The following SUSD1 variants were observed in gnomAD, a reference collection of about 807,000 sequenced individuals.
SUSD1 encodes sushi domain containing 1.
A neutral mutation model predicts 86.9 loss-of-function variants in SUSD1; 65 were observed. The ratio of observed to expected loss-of-function variants is 0.75; its 90% confidence interval spans 0.61 to 0.92. SUSD1 has a LOEUF of 0.92. Ranked by LOEUF, SUSD1 falls within the 40% of genes least tolerant of loss-of-function variation. The probability of loss-of-function intolerance (pLI) is 0.00; values close to 1 mark genes in which losing one functional copy is unlikely to be tolerated. For synonymous variants in SUSD1, 346 were observed against 350.0 expected, an observed-to-expected ratio of 0.99 and a Z score of 0.13; for missense variants, 850 against 929.7, an observed-to-expected ratio of 0.91 and a Z score of 1.11.
In SUSD1 at chr9:112,052,441, A is replaced by G. The variant is rs367875330; in HGVS notation, c.2110-3T>C. The G allele has an allele frequency of 1.9e-6, 3 of 1,614,084 alleles. No individual in the cohort carries two copies. The highest frequency in any genetic ancestry group is 2.5e-6 in the Non-Finnish European group (3 of 1,179,990). ...ACTGCACAGGAGTGTCTTCTCACCT[A>G]TAAAGGAAAACATAGCAATGCATTT... On this transcript the variant is annotated splice_region_variant and splice_polypyrimidine_tract_variant and intron_variant, in intron 14 of 16. Transcript: ENST00000374270.
intron 6 of SUSD1, among the ~76,000 whole-genome samples, chr9:112,119,785 C>A (rs190932615): frequency 6.6e-6 from 1 of 152,046 alleles, no homozygotes; most frequent in African/African-American, 2.4e-5. Flanking sequence ...ACTGGCCTGG[C>A]GGGGAAGGAG....
intron 9 of SUSD1, among the ~76,000 whole-genome samples, chr9:112,099,847 C>T (rs545795121): frequency 1.3e-5 from 2 of 152,348 alleles, no homozygotes; most frequent in African/African-American, 4.8e-5. Context: ...TCTTCTCTCT[C>T]AAACTCTTTG....
chr9:112,064,756 A>T (rs1256152815), intron 12 of SUSD1, among the ~76,000 whole-genome samples: 2 of 151,932 alleles, frequency 1.3e-5, no homozygotes, highest in Non-Finnish European at 2.9e-5. Flanking sequence ...GGCACCTGTA[A>T]TCCCAGCTAC....
intron 10 of SUSD1, among the ~76,000 whole-genome samples, chr9:112,095,907 G>A (rs908221580): frequency 6.6e-6 from 1 of 152,080 alleles, no homozygotes; most frequent in Non-Finnish European, 1.5e-5. Context: ...GTAGAAATAG[G>A]GCTCAAGGGA....
At chr9:112,075,619 C>T (rs1408051323) in intron 12 of SUSD1, among the ~76,000 whole-genome samples, 2 of 152,028 alleles carry the variant, frequency 1.3e-5, no homozygotes, top group Admixed American at 6.5e-5. Context: ...GTGGTGAGCG[C>T]CTATAGTCCC....
intron 14 of SUSD1, among the ~76,000 whole-genome samples, chr9:112,053,347 C>A (rs920941882): frequency 6.0e-5 from 9 of 151,144 alleles, no homozygotes; most frequent in Admixed American, 6.0e-4. Context: ...AAACCCCATC[C>A]CTACTGAAAA....
chr9:112,110,487 A>G (rs915637897), intron 8 of SUSD1, among the ~76,000 whole-genome samples: 3 of 133,710 alleles, frequency 2.2e-5, no homozygotes, highest in African/African-American at 8.0e-5. Context: ...GCCTTGAACA[A>G]GTGATCCTCT....
intron 5 of SUSD1, among the ~76,000 whole-genome samples, chr9:112,128,079 T>C (rs1302698399): frequency 6.6e-6 from 1 of 151,420 alleles, no homozygotes; most frequent in African/African-American, 2.4e-5. Context: ...CTTTTTTTGT[T>C]TGTTTTTTGT....
intron 5 of SUSD1, among the ~76,000 whole-genome samples, chr9:112,125,303 A>C (rs1385283763): frequency 6.6e-6 from 1 of 152,194 alleles, no homozygotes; most frequent in African/African-American, 2.4e-5. Context: ...CTATTAGTAA[A>C]GGATTCTAGA....
At chr9:112,049,717 C>T (rs1041665392) in intron 15 of SUSD1, among the ~76,000 whole-genome samples, 2 of 152,070 alleles carry the variant, frequency 1.3e-5, no homozygotes, top group Non-Finnish European at 2.9e-5. Flanking sequence ...AAGTAGACTG[C>T]CCAAGATGGG....
At chr9:112,042,106 T>A in intron 15 of SUSD1, 146 bp from the exon 16 acceptor site, 1 of 1,542,822 alleles carries the variant, frequency 6.5e-7, no homozygotes, top group Non-Finnish European at 8.7e-7. Context: ...CATGCCTGTG[T>A]GTCCCCTGAG....
chr9:112,157,692 G>A (rs573930347), intron 1 of SUSD1, 79 bp from the exon 2 acceptor site: 3 of 1,214,948 alleles, frequency 2.5e-6, no homozygotes, highest in African/African-American at 1.5e-5. Flanking sequence ...TTACAACGAA[G>A]AACCAAAATT....
At chr9:112,130,547 G>C (rs1831979024) in intron 5 of SUSD1, among the ~76,000 whole-genome samples, 1 of 131,958 alleles carries the variant, frequency 7.6e-6, no homozygotes, top group African/African-American at 2.9e-5. Flanking sequence ...AGGAAAGGAA[G>C]GAAAGAAAAG....
chr9:112,115,808 C>CAAAAAAAAAAAAAA (rs1406590665), intron 6 of SUSD1, among the ~76,000 whole-genome samples: 2 of 59,590 alleles, frequency 3.4e-5, no homozygotes, highest in African/African-American at 5.9e-5. Flanking sequence ...GACTCCATTG[C>CAAAAAAAAAAAAAA]AAAAAAAAAA....
intron 14 of SUSD1, among the ~76,000 whole-genome samples, chr9:112,055,653 A>C (rs916335115): frequency 2.0e-5 from 3 of 152,212 alleles, no homozygotes; most frequent in African/African-American, 7.2e-5. Context: ...ATTCCACTTC[A>C]GGTATATACA....
chr9:112,133,992 T>C (rs1329053835), intron 5 of SUSD1, among the ~76,000 whole-genome samples: 3 of 151,904 alleles, frequency 2.0e-5, no homozygotes, highest in Non-Finnish European at 4.4e-5. Context: ...ATCAGAGAAA[T>C]GCAAATCAAA....
chr9:112,158,516 T>G (rs1833435217), intron 1 of SUSD1, among the ~76,000 whole-genome samples: 2 of 151,894 alleles, frequency 1.3e-5, no homozygotes, highest in African/African-American at 4.8e-5. Context: ...CTCAACCTCC[T>G]AAGTAGCTGG....
At chr9:112,154,101 C>T (rs534716901) in intron 2 of SUSD1, among the ~76,000 whole-genome samples, 1 of 152,136 alleles carries the variant, frequency 6.6e-6, no homozygotes, top group South Asian at 2.1e-4. Flanking sequence ...GTTGTATATT[C>T]GGTCTATCAT....
chr9:112,155,879 GAGA>G (rs143427237), intron 2 of SUSD1, among the ~76,000 whole-genome samples: 7,784 of 151,018 alleles, frequency 0.052, 230 homozygotes, highest in Middle Eastern at 0.13. Flanking sequence ...GAGGAAGAAG[GAGA>G]AGGAGAGAGG....
Sources: allele counts gnomAD v4.1 joint callset (sites outside exome capture counted in the v4.1 genomes callset), GRCh38; gene constraint gnomAD v4.1.1; transcripts MANE v1.5; gene names NCBI Gene and HGNC (gene_info 2026-07-23, HGNC 2026-07-21).